Variants in MAPKAP1 observed in about 807,000 individuals in gnomAD.
The protein encoded by MAPKAP1 is MAPK associated protein 1, also known as target of rapamycin complex 2 subunit MAPKAP1.
Under a neutral mutation model 65.7 loss-of-function variants are expected in MAPKAP1, and 20 were observed. That is an observed-to-expected ratio of 0.30 (90% CI 0.21 to 0.44). MAPKAP1 has a LOEUF of 0.44. Ranked by LOEUF, MAPKAP1 falls within the 20% of genes least tolerant of loss-of-function variation. The probability of loss-of-function intolerance (pLI) is 1.00; values close to 1 mark genes in which losing one functional copy is unlikely to be tolerated. For synonymous variants in MAPKAP1, 222 were observed against 244.3 expected, an observed-to-expected ratio of 0.91 and a Z score of 0.85; for missense variants, 423 against 648.0, an observed-to-expected ratio of 0.65 and a Z score of 3.77.
intron 1 of MAPKAP1, among the ~76,000 whole-genome samples, chr9:125,688,977 CA>C (rs1835072772): frequency 6.6e-6 from 1 of 152,154 alleles, no homozygotes; most frequent in Non-Finnish European, 1.5e-5. Context: ...ACTCCTTACA[CA>C]CAAGTCTAGG....
At chr9:125,632,883 A>G (rs1455167187) in intron 4 of MAPKAP1, among the ~76,000 whole-genome samples, 1 of 152,348 alleles carries the variant, frequency 6.6e-6, no homozygotes, top group Admixed American at 6.5e-5. Context: ...GCTTGCGTGC[A>G]AGAATACTAT....
intron 5 of MAPKAP1, among the ~76,000 whole-genome samples, chr9:125,573,355 T>C (rs1013568657): frequency 3.9e-5 from 6 of 152,144 alleles, no homozygotes; most frequent in African/African-American, 1.4e-4. Context: ...TCATCCTCAC[T>C]GCTACACTCC....
intron 5 of MAPKAP1, chr9:125,565,754 A>AG (rs1831034363): frequency 2.3e-6 from 1 of 427,008 alleles, no homozygotes; most frequent in East Asian, 7.2e-5. Flanking sequence ...AAAAAAAAAA[A>AG]AAAAAAAAAA....
At chr9:125,643,910 T>C (rs892865747) in intron 4 of MAPKAP1, among the ~76,000 whole-genome samples, 2 of 152,230 alleles carry the variant, frequency 1.3e-5, no homozygotes, top group African/African-American at 4.8e-5. Context: ...TGTTGTTTCA[T>C]TTTTGCTTCA....
At chr9:125,444,666 C>A in intron 10 of MAPKAP1, 68 bp from the exon 11 acceptor site, 1 of 1,059,714 alleles carries the variant, frequency 9.4e-7, no homozygotes, top group South Asian at 1.4e-5. Flanking sequence ...TCCATATGTT[C>A]TCCCCTATCA....
chr9:125,608,226 TTA>T (rs1274592115), intron 4 of MAPKAP1, among the ~76,000 whole-genome samples: 3 of 152,372 alleles, frequency 2.0e-5, no homozygotes, highest in Admixed American at 1.3e-4. Flanking sequence ...TGTGTTCCCA[TTA>T]TGTTACAGTC....
At chr9:125,472,977 G>A (rs1401459955) in intron 9 of MAPKAP1, among the ~76,000 whole-genome samples, 5 of 152,008 alleles carry the variant, frequency 3.3e-5, no homozygotes, top group South Asian at 2.1e-4. Flanking sequence ...ATCCTTTCTC[G>A]ACTGTTAAAA....
At chr9:125,611,475 A>T (rs994964356) in intron 4 of MAPKAP1, among the ~76,000 whole-genome samples, 1 of 152,222 alleles carries the variant, frequency 6.6e-6, no homozygotes, top group Non-Finnish European at 1.5e-5. Context: ...CTAGAGTTTC[A>T]GAAGAAGAGA....
chr9:125,485,039 C>G (rs966423026), intron 8 of MAPKAP1, among the ~76,000 whole-genome samples: 14 of 152,206 alleles, frequency 9.2e-5, no homozygotes, highest in East Asian at 3.8e-4. Flanking sequence ...CTGCGCCCCA[C>G]AGCCTCCATG....
At chr9:125,693,872 C>CACACACACAT (rs1042696705) in intron 1 of MAPKAP1, among the ~76,000 whole-genome samples, 30 of 147,172 alleles carry the variant, frequency 2.0e-4, no homozygotes, top group African/African-American at 6.2e-4. Flanking sequence ...CACACACACA[C>CACACACACAT]ATATATATAT....
chr9:125,640,019 T>A (rs1171104001), intron 4 of MAPKAP1, among the ~76,000 whole-genome samples: 3 of 152,210 alleles, frequency 2.0e-5, no homozygotes, highest in Non-Finnish European at 4.4e-5. Context: ...GACATAGTAC[T>A]CGCTAACTTC....
Position 125,506,374 on chromosome 9 carries a change from G to T in MAPKAP1, c.1002C>A (p.Ala334=). Residue 334 remains alanine (A), a synonymous_variant, in exon 8 of 12, where the codon GCC becomes GCA. Coordinates refer to ENST00000265960, the MANE Select transcript of MAPKAP1 (RefSeq NM_001006617.3). The part of the protein sequence containing the change: ...RLEKQSEPNV[A]VDLDSTLESQ... ...TCTCCAAAGTGCTGTCCAGGTCAACGGCGACATTGGGCTCGCTCTGCTTCT... is the reference window on the plus strand; with the variant it reads ...TCTCCAAAGTGCTGTCCAGGTCAACTGCGACATTGGGCTCGCTCTGCTTCT... 2 of 1,614,112 alleles carry T rather than the reference G, an allele frequency of 1.2e-6. No homozygotes were observed. Among genetic ancestry groups the T allele is most frequent in the Non-Finnish European group, 1.7e-6 (2 of 1,180,028 alleles).
chr9:125,625,255 T>TTAAAAAAAAAAAAAAAAAAA (rs1564589549), intron 4 of MAPKAP1, among the ~76,000 whole-genome samples: 1 of 64,714 alleles, frequency 1.5e-5, no homozygotes, highest in African/African-American at 5.9e-5. Context: ...AATAAATAAA[T>TTAAAAAAAAAAAAAAAAAAA]AAAAAAAAAA....
At chr9:125,440,804 C>A (rs565126595) in intron 11 of MAPKAP1, among the ~76,000 whole-genome samples, 2 of 152,338 alleles carry the variant, frequency 1.3e-5, no homozygotes, top group African/African-American at 2.4e-5. Flanking sequence ...TGGGACAATA[C>A]AGTGTATGGA....
intron 4 of MAPKAP1, among the ~76,000 whole-genome samples, chr9:125,613,829 G>A (rs1001109497): frequency 2.7e-5 from 4 of 149,104 alleles, no homozygotes; most frequent in Admixed American, 6.7e-5. Context: ...ACGGAGTCTC[G>A]CTCTGTCACC....
intron 1 of MAPKAP1, among the ~76,000 whole-genome samples, chr9:125,682,777 G>A (rs1309407887): frequency 6.6e-6 from 1 of 152,172 alleles, no homozygotes; most frequent in African/African-American, 2.4e-5. Flanking sequence ...AGCTTAAGCT[G>A]TAACTAGCAC....
chr9:125,581,654 G>A (rs1005937808), intron 5 of MAPKAP1, among the ~76,000 whole-genome samples: 25 of 152,058 alleles, frequency 1.6e-4, no homozygotes, highest in South Asian at 1.2e-3. Context: ...CTCTTCACAG[G>A]GTCTTTTGCA....
chr9:125,579,008 C>T (rs2131562649), intron 5 of MAPKAP1, among the ~76,000 whole-genome samples: 1 of 152,284 alleles, frequency 6.6e-6, no homozygotes. Context: ...TCATAGTCCA[C>T]ATTTTCTGAT....
intron 9 of MAPKAP1, among the ~76,000 whole-genome samples, chr9:125,475,541 T>TTGTTAG (rs1854073349): frequency 6.6e-6 from 1 of 152,170 alleles, no homozygotes; most frequent in Non-Finnish European, 1.5e-5. Context: ...TGTACCTGAC[T>TTGTTAG]AGACTGTTAG....
Sources: allele counts gnomAD v4.1 joint callset (sites outside exome capture counted in the v4.1 genomes callset), GRCh38; gene constraint gnomAD v4.1.1; transcripts MANE v1.5; gene names NCBI Gene and HGNC (gene_info 2026-07-23, HGNC 2026-07-21).